BTRC: variants seen among roughly 807,000 people sequenced by gnomAD.
The protein encoded by BTRC is F-box/WD repeat-containing protein 1A.
Under a neutral mutation model 85.5 loss-of-function variants are expected in BTRC, and 42 were observed. That is an observed-to-expected ratio of 0.49 (90% CI 0.38 to 0.64). The LOEUF (loss-of-function observed/expected upper bound fraction) is 0.64. BTRC is among the 30% of genes least tolerant of loss of function. BTRC has a pLI of 0.00. For missense variants in BTRC, 594 were observed against 743.5 expected, an observed-to-expected ratio of 0.80 and a Z score of 2.34; for synonymous variants, 255 against 263.3, an observed-to-expected ratio of 0.97 and a Z score of 0.30.
intron 4 of BTRC, among the ~76,000 whole-genome samples, chr10:101,488,793 A>G (rs978476952): frequency 6.6e-6 from 1 of 152,176 alleles, no homozygotes; most frequent in African/African-American, 2.4e-5. Flanking sequence ...ACTAATATGC[A>G]AAAGCTGGTT....
chr10:101,378,875 A>G (rs576846389), intron 1 of BTRC, among the ~76,000 whole-genome samples: 1 of 152,154 alleles, frequency 6.6e-6, no homozygotes, highest in East Asian at 1.9e-4. Flanking sequence ...TCAGTAATAT[A>G]TTGAAATGAG....
At chr10:101,516,582 G>A (rs935990959) in intron 4 of BTRC, among the ~76,000 whole-genome samples, 4 of 152,124 alleles carry the variant, frequency 2.6e-5, no homozygotes, top group East Asian at 1.9e-4. Flanking sequence ...TGATAAATAC[G>A]TGAAATCTCA....
At chr10:101,361,393 ACC>A (rs1165045521) in intron 1 of BTRC, among the ~76,000 whole-genome samples, 1 of 152,274 alleles carries the variant, frequency 6.6e-6, no homozygotes, top group Non-Finnish European at 1.5e-5. Context: ...GGCATGTGCC[ACC>A]GCACCTGGCC....
intron 4 of BTRC, among the ~76,000 whole-genome samples, chr10:101,491,048 G>C (rs1946116683): frequency 9.6e-6 from 1 of 104,356 alleles, no homozygotes; most frequent in Admixed American, 1.1e-4. Flanking sequence ...GAAGGAGCAA[G>C]ACTCTGTCTC....
At chr10:101,474,735 A>C (rs1167548234) in intron 3 of BTRC, among the ~76,000 whole-genome samples, 1 of 152,172 alleles carries the variant, frequency 6.6e-6, no homozygotes, top group Non-Finnish European at 1.5e-5. Flanking sequence ...ACCCTGCACC[A>C]AGTGGACTCG....
At chr10:101,539,177 C>T (rs113935163) in intron 13 of BTRC, among the ~76,000 whole-genome samples, 1 of 152,176 alleles carries the variant, frequency 6.6e-6, no homozygotes, top group African/African-American at 2.4e-5. Flanking sequence ...CCATATACCC[C>T]CTTTTGACAT....
chr10:101,413,089 T>C lies in BTRC; in HGVS notation c.49-17256T>C, dbSNP rs143807630. Among the ~76,000 whole-genome samples the C allele has an allele frequency of 2.0e-5, 3 of 152,302 alleles. No individual in the cohort carries two copies. The East Asian group carries it at 5.8e-4, about 29-fold the overall frequency. ...GAGGAACTTATTGAAGGTGAACTTA[T>C]TAACATAAATGAGGGAAGTGGTTTT... is the stretch of plus-strand genomic sequence containing the variant. On this transcript the variant is annotated intron_variant, in intron 1 of 14. Transcript: ENST00000370187.
At position 101,532,225 on chromosome 10, in the gene BTRC, A is replaced by C. The variant is rs545518377; in HGVS notation, c.841-70A>C. 199 of 1,505,894 alleles carry C rather than the reference A, an allele frequency of 1.3e-4. 1 individual carries two copies. The South Asian group carries it at 2.5e-3, about 19-fold the overall frequency. The allele number at this position is 1,505,894 out of a possible 1,614,324, so 93.3% of individuals were successfully genotyped here. A position where few individuals can be genotyped will look rare whatever the true frequency, so the allele number is the denominator to read the frequency against. On this transcript the variant is annotated intron_variant, in intron 7 of 14. Coordinates refer to ENST00000370187, the MANE Select transcript of BTRC (RefSeq NM_033637.4). Reference sequence around the variant, plus strand: ...GTAAAGCATTGAGCCATTGATTGTCATTAAAGCCTAAAAAGAGTTTGATTC... The same window carrying C: ...GTAAAGCATTGAGCCATTGATTGTCCTTAAAGCCTAAAAAGAGTTTGATTC...
At chr10:101,492,666 C>T (rs1427713050) in intron 4 of BTRC, among the ~76,000 whole-genome samples, 1 of 151,970 alleles carries the variant, frequency 6.6e-6, no homozygotes, top group Non-Finnish European at 1.5e-5. Flanking sequence ...TTCTTTAACC[C>T]TTTCTTTAGA....
At chr10:101,457,236 G>A (rs1262910497) in intron 2 of BTRC, among the ~76,000 whole-genome samples, 1 of 152,200 alleles carries the variant, frequency 6.6e-6, no homozygotes, top group Non-Finnish European at 1.5e-5. Context: ...ATGAGATGAA[G>A]TGAGGTAAAT....
chr10:101,462,778 G>T (rs946287185), intron 3 of BTRC, among the ~76,000 whole-genome samples: 1 of 151,774 alleles, frequency 6.6e-6, no homozygotes, highest in African/African-American at 2.4e-5. Context: ...GTAAAAATTA[G>T]AATGTCCTTG....
chr10:101,509,243 A>ATT (rs71016330), intron 4 of BTRC, among the ~76,000 whole-genome samples: 2,021 of 69,922 alleles, frequency 0.029, 525 homozygotes, highest in African/African-American at 0.12. Context: ...GGCAATGTGG[A>ATT]TTTTTTTTTT....
At chr10:101,446,704 T>C (rs2134127040) in intron 2 of BTRC, among the ~76,000 whole-genome samples, 1 of 152,082 alleles carries the variant, frequency 6.6e-6, no homozygotes, top group South Asian at 2.1e-4. Context: ...CAACTGGAGT[T>C]TTAATGACTT....
chr10:101,391,593 A>G (rs1054064059), intron 1 of BTRC, among the ~76,000 whole-genome samples: 3 of 152,216 alleles, frequency 2.0e-5, no homozygotes, highest in South Asian at 2.1e-4. Context: ...AAAAATGGCA[A>G]TGTTGACATG....
chr10:101,430,539 T>C, intron 2 of BTRC, 87 bp downstream of exon 2: 1 of 1,009,638 alleles, frequency 9.9e-7, no homozygotes, highest in South Asian at 1.5e-5. Context: ...TCCCATACTT[T>C]ACTTATATTC....
chr10:101,450,235 A>G (rs1944925617), intron 2 of BTRC, among the ~76,000 whole-genome samples: 1 of 152,208 alleles, frequency 6.6e-6, no homozygotes, highest in African/African-American at 2.4e-5. Flanking sequence ...CAGCTGTGTA[A>G]TATCGCTCCT....
intron 1 of BTRC, among the ~76,000 whole-genome samples, chr10:101,403,156 C>G (rs532641350): frequency 5.9e-5 from 9 of 152,192 alleles, no homozygotes; most frequent in African/African-American, 1.9e-4. Context: ...GGTGTCTTCT[C>G]TGGGGACGAT....
intron 1 of BTRC, among the ~76,000 whole-genome samples, chr10:101,371,239 C>T (rs566345242): frequency 2.0e-5 from 3 of 151,948 alleles, no homozygotes; most frequent in South Asian, 2.1e-4. Context: ...GACTGGAGTG[C>T]AATGAATGGC....
At chr10:101,385,406 G>GATC (rs1476548817) in intron 1 of BTRC, among the ~76,000 whole-genome samples, 1 of 149,534 alleles carries the variant, frequency 6.7e-6, no homozygotes, top group African/African-American at 2.4e-5. Context: ...AAGTGAAACT[G>GATC]ACTTTTTTTG....
Sources: allele counts gnomAD v4.1 joint callset (sites outside exome capture counted in the v4.1 genomes callset), GRCh38; gene constraint gnomAD v4.1.1; transcripts MANE v1.5; gene names NCBI Gene and HGNC (gene_info 2026-07-23, HGNC 2026-07-21).